WDFY4: variants seen among roughly 807,000 people sequenced by gnomAD.
The protein encoded by WDFY4 is WDFY family member 4, also known as WD repeat- and FYVE domain-containing protein 4.
A neutral mutation model predicts 351.9 loss-of-function variants in WDFY4; 169 were observed. That is an observed-to-expected ratio of 0.48 (90% CI 0.42 to 0.55). The LOEUF is 0.55. Among genes scored for constraint, WDFY4 ranks in the 20% least tolerant of loss-of-function variants. The pLI, the probability that WDFY4 is intolerant of heterozygous loss-of-function variation, is 0.00. For missense variants in WDFY4, 3,803 were observed against 3,935.6 expected, an observed-to-expected ratio of 0.97 and a Z score of 0.90; for synonymous variants, 1,622 against 1,574.6, an observed-to-expected ratio of 1.03 and a Z score of -0.71.
intron 1 of WDFY4, among the ~76,000 whole-genome samples, chr10:48,699,176 T>C (rs2063412235): frequency 6.6e-6 from 1 of 152,112 alleles, no homozygotes; most frequent in Non-Finnish European, 1.5e-5. Flanking sequence ...GAGCAGAATG[T>C]CTATGGACAG....
rs531808093 is a variant in WDFY4, at chr10:48,796,817, G to T, written c.4410+367G>T. Among the ~76,000 whole-genome samples the T allele has an allele frequency of 2.2e-4, 33 of 152,294 alleles. No homozygotes were observed. In the South Asian group the frequency reaches 4.4e-3, roughly 20 times the overall value. On this transcript the variant is annotated intron_variant, in intron 24 of 61. Coordinates refer to ENST00000325239, the MANE Select transcript of WDFY4 (RefSeq NM_001394531.1). ...AAGAAAAATGATCTCAGTTCCTTTG[G>T]GTGGTGCTTTGCTGTTTCCAAATGA...
chr10:48,743,208 C>T lies in WDFY4; in HGVS notation c.2119C>T (p.Leu707Phe), dbSNP rs866444753. ...TGGCTACTTCTTCAGGAGGAATGGGCTCTTTGAGAAGCTGGCCGAGGACCT... is the reference window on the plus strand; with the variant it reads ...TGGCTACTTCTTCAGGAGGAATGGGTTCTTTGAGAAGCTGGCCGAGGACCT... ...VNGYFFRRNGLFEKLAEDLCL... is the reference protein window; with the variant it reads ...VNGYFFRRNGFFEKLAEDLCL... The change falls in exon 12 of 62, where the codon CTC becomes TTC. Residue 707 changes from leucine (L) to phenylalanine (F), a missense_variant. Coordinates refer to ENST00000325239, the MANE Select transcript of WDFY4 (RefSeq NM_001394531.1). 1 of 1,551,730 alleles carries T rather than the reference C, an allele frequency of 6.4e-7. No individual in the cohort carries two copies. The highest frequency in any genetic ancestry group is 2.4e-5 in the East Asian group (1 of 40,922).
chr10:48,799,465 G>T (rs1378186367), intron 24 of WDFY4, among the ~76,000 whole-genome samples: 1 of 152,118 alleles, frequency 6.6e-6, no homozygotes, highest in Admixed American at 6.5e-5. Context: ...AAGTTGTGGG[G>T]TCAGAAGCCA....
Position 48,735,964 on chromosome 10 carries a change from T to C in WDFY4, c.1772T>C (p.Leu591Ser). The C allele has an allele frequency of 6.4e-7, 1 of 1,551,886 alleles. No homozygotes were observed. Among genetic ancestry groups the C allele is most frequent in the Non-Finnish European group, 8.7e-7 (1 of 1,147,044 alleles). Reference protein sequence around the residue: ...ECYREASLSILEQLSAINAEE... With the variant: ...ECYREASLSISEQLSAINAEE... Reference sequence around the variant, plus strand: ...TACCGGGAGGCCTCGCTCAGCATCTTGGAGCAGCTCTCAGCCATCAACGCC... The same window carrying C: ...TACCGGGAGGCCTCGCTCAGCATCTCGGAGCAGCTCTCAGCCATCAACGCC... The change falls in exon 11 of 62, where the codon TTG (leucine) becomes TCG (serine). Residue 591 changes from leucine to serine, a missense_variant. By Grantham distance (145) the Leu-to-Ser change is moderately radical. Transcript: ENST00000325239.
chr10:48,840,170 G>A (rs2068546708), intron 39 of WDFY4, among the ~76,000 whole-genome samples: 1 of 152,196 alleles, frequency 6.6e-6, no homozygotes, highest in Non-Finnish European at 1.5e-5. Context: ...TCAACTGAAA[G>A]TAAAGTCTAT....
At chr10:48,769,879 G>A (rs1433158174) in intron 13 of WDFY4, among the ~76,000 whole-genome samples, 2 of 152,230 alleles carry the variant, frequency 1.3e-5, no homozygotes, top group Admixed American at 6.5e-5. Flanking sequence ...AGGCTGCCCC[G>A]CAAATCACTC....
In WDFY4 at chr10:48,787,891, CTCCTTCTTCTTCTTCTTCTTCTTCTT is replaced by C. The variant is rs2066494616; in HGVS notation, c.3809-638_3809-613del. Among the ~76,000 whole-genome samples, 81 of 66,802 alleles carry C rather than the reference CTCCTTCTTCTTCTTCTTCTTCTTCTT, an allele frequency of 1.2e-3. 4 individuals carry two copies. The highest frequency in any genetic ancestry group is 7.7e-3 in the African/African-American group (77 of 10,056). The allele number at this position is 66,802 out of a possible 152,430, so 43.8% of individuals were successfully genotyped here. A position where few individuals can be genotyped will look rare whatever the true frequency, so the allele number is the denominator to read the frequency against. On this transcript the variant is annotated intron_variant, in intron 20 of 61. Transcript: ENST00000325239. ...TCTTTCTTCTTTCTTTCTTCTTCTT[CTCCTTCTTCTTCTTCTTCTTCTTCTT>C]CTTCTTCTTCTTCTTCTTCTTCTTC...
chr10:48,966,561 A>C lies in WDFY4; in HGVS notation c.8472A>C (p.Ala2824=). 6.4e-7 allele frequency: 1 copy of C among 1,552,094 alleles called. No homozygotes were observed. Among genetic ancestry groups the C allele is most frequent in the East Asian group, 2.4e-5 (1 of 40,922 alleles). Residue 2824 remains alanine, a synonymous_variant, in exon 55 of 62, where the codon GCA becomes GCC. Coordinates refer to ENST00000325239, the MANE Select transcript of WDFY4 (RefSeq NM_001394531.1). ...FTKPHPARTA[A]GKPLPGKDVS... ...AACCTCACCCAGCCAGGACTGCAGCAGGGAAGCCTCTGCCTGGAAAGGATG... is the reference window on the plus strand; with the variant it reads ...AACCTCACCCAGCCAGGACTGCAGCCGGGAAGCCTCTGCCTGGAAAGGATG...
intron 54 of WDFY4, among the ~76,000 whole-genome samples, chr10:48,964,905 A>G (rs1204082913): frequency 6.6e-6 from 1 of 152,154 alleles, no homozygotes; most frequent in Non-Finnish European, 1.5e-5. Context: ...TTCTGCAGTT[A>G]GTGCTAAACT....
At chr10:48,843,001 C>T (rs1369142186) in intron 39 of WDFY4, among the ~76,000 whole-genome samples, 2 of 152,176 alleles carry the variant, frequency 1.3e-5, no homozygotes, top group Admixed American at 1.3e-4. Context: ...GTCTGAAAAC[C>T]CTTCCAACAA....
chr10:48,881,838 G>T (rs1003342054), intron 43 of WDFY4, among the ~76,000 whole-genome samples: 3 of 152,090 alleles, frequency 2.0e-5, no homozygotes, highest in African/African-American at 7.2e-5. Flanking sequence ...CCAGCCTGGC[G>T]GCCTCCTGGG....
intron 39 of WDFY4, among the ~76,000 whole-genome samples, chr10:48,862,000 A>C (rs147181880): frequency 6.6e-6 from 1 of 152,194 alleles, no homozygotes; most frequent in African/African-American, 2.4e-5. Flanking sequence ...GTTCTTCTTT[A>C]TATCTTCTAT....
At chr10:48,883,428 G>A (rs752804784) in intron 43 of WDFY4, among the ~76,000 whole-genome samples, 1 of 152,122 alleles carries the variant, frequency 6.6e-6, no homozygotes, top group Non-Finnish European at 1.5e-5. Context: ...ACATTCCCCA[G>A]GCTGGTACAA....
rs139548762 is a variant in WDFY4 at position 48,739,435 on chromosome 10, T to A, written c.1878+3365T>A. The stretch of plus-strand genomic sequence containing the variant: ...CAGACTGAAAACCCTATGTGATGCA[T>A]TATCATGCAAAGTTGAATGACAGTA... On this transcript the variant is annotated intron_variant, in intron 11 of 61. Transcript: ENST00000325239. 2.4e-3 allele frequency among the ~76,000 whole-genome samples: 361 copies of A among 152,354 alleles called. 1 individual carries two copies. Among genetic ancestry groups the A allele is most frequent in the African/African-American group, 8.2e-3 (342 of 41,578 alleles).
At chr10:48,923,129 C>T (rs1839243602) in intron 47 of WDFY4, among the ~76,000 whole-genome samples, 1 of 152,114 alleles carries the variant, frequency 6.6e-6, no homozygotes, top group African/African-American at 2.4e-5. Flanking sequence ...CTGGCTTGTC[C>T]CACGTTGGAA....
At chr10:48,919,267 G>A (rs935690424) in intron 47 of WDFY4, among the ~76,000 whole-genome samples, 1 of 151,826 alleles carries the variant, frequency 6.6e-6, no homozygotes, top group African/African-American at 2.4e-5. Context: ...GATAATAAGA[G>A]AACAGTACAA....
chr10:48,711,904 G>A (rs1041463256), intron 2 of WDFY4, among the ~76,000 whole-genome samples: 10 of 152,172 alleles, frequency 6.6e-5, no homozygotes, highest in African/African-American at 2.4e-4. Context: ...ACGGTTGTAT[G>A]GGAGGGGTTA....
chr10:48,793,722 G>A (rs897798820), intron 23 of WDFY4, among the ~76,000 whole-genome samples: 18 of 152,212 alleles, frequency 1.2e-4, no homozygotes, highest in Admixed American at 5.2e-4. Context: ...GCCATAGATA[G>A]TAGGTGCTCA....
intron 1 of WDFY4, among the ~76,000 whole-genome samples, chr10:48,700,776 C>T (rs975905657): frequency 1.3e-5 from 2 of 152,154 alleles, no homozygotes; most frequent in Non-Finnish European, 2.9e-5. Context: ...GGGCCTAGTG[C>T]GGAGCTAGCA....
Sources: gnomAD v4.1 joint callset for allele counts (sites outside exome capture counted in the v4.1 genomes callset) on GRCh38, gnomAD v4.1.1 for gene constraint, MANE v1.5 for transcripts, NCBI Gene and HGNC (gene_info 2026-07-23, HGNC 2026-07-21) for gene names.